Variants in ARTN observed in about 807,000 individuals in gnomAD.
ARTN encodes the protein neublastin.
A neutral mutation model predicts 15.4 loss-of-function variants in ARTN; 9 were observed. The observed-to-expected ratio is 0.58, with a 90% CI of 0.35 to 1.02. The LOEUF (loss-of-function observed/expected upper bound fraction) is 1.02, where lower values mean the gene tolerates loss of function less well. Among genes scored for constraint, ARTN ranks in the 50% least tolerant of loss-of-function variants. ARTN has a pLI of 0.02. For missense variants in ARTN, 284 were observed against 327.9 expected (o/e 0.87, Z 1.03); for synonymous variants, 163 against 155.8 (o/e 1.05, Z -0.35).
At position 43,936,507 on chromosome 1, in the gene ARTN, C is replaced by T. The variant is rs1366540157; in HGVS notation, c.405C>T (p.Leu135=). 20 of 1,408,770 alleles carry T rather than the reference C, an allele frequency of 1.4e-5. No homozygotes were observed. Among genetic ancestry groups the T allele is most frequent in the Non-Finnish European group, 1.8e-5 (19 of 1,084,228 alleles). The allele number at this position is 1,408,770 out of a possible 1,614,324, so 87.3% of individuals were successfully genotyped here. The change falls in exon 5 of 5, where the codon CTC becomes CTT. Residue 135 remains leucine, a synonymous_variant. Coordinates refer to ENST00000372359, the MANE Select transcript of ARTN (RefSeq NM_057091.3). The surrounding 1 kb of genome is among the most constrained non-coding windows in gnomAD (Gnocchi z 6.6). Reference sequence around the variant, plus strand: ...CGCAGCTGGTGCCGGTGCGCGCGCTCGGCCTGGGCCACCGCTCCGACGAGC... The same window carrying T: ...CGCAGCTGGTGCCGGTGCGCGCGCTTGGCCTGGGCCACCGCTCCGACGAGC... ...LRSQLVPVRA[L]GLGHRSDELV...
Position 43,935,693 on chromosome 1 carries a change from C to T in ARTN, c.37C>T (p.His13Tyr), listed in dbSNP as rs2085083815. Reference protein sequence around the residue: ...LGLGGLSTLSHCPWPRQQPAL... With the variant: ...LGLGGLSTLSYCPWPRQQPAL... ...ACTTGGAGGCCTCTCCACGCTGTCC[C>T]ACTGCCCCTGGCCTAGGCAGCAGGT... is the stretch of plus-strand genomic sequence containing the variant. The change falls in exon 3 of 5, where the codon CAC becomes TAC. Residue 13 changes from histidine to tyrosine, a missense_variant. Coordinates refer to ENST00000372359, the MANE Select transcript of ARTN (RefSeq NM_057091.3). The T allele has an allele frequency of 3.1e-6, 5 of 1,613,406 alleles. No individual in the cohort carries two copies. Among genetic ancestry groups the T allele is most frequent in the Non-Finnish European group, 3.4e-6 (4 of 1,179,680 alleles).
chr1:43,935,629 C>T lies in ARTN; in HGVS notation c.-28C>T. On this transcript the variant is annotated 5_prime_UTR_variant, in exon 3 of 5. Coordinates refer to ENST00000372359, the MANE Select transcript of ARTN (RefSeq NM_057091.3). The stretch of plus-strand genomic sequence containing the variant: ...GGGTGGGGGAACAGCTCAACAATGG[C>T]TGATGGGCGCTCCTGGTGTTGATAG... 6.2e-7 allele frequency: 1 copy of T among 1,610,626 alleles called. No individual in the cohort carries two copies. Among genetic ancestry groups the T allele is most frequent in the Non-Finnish European group, 8.5e-7 (1 of 1,178,398 alleles).
intron 2 of ARTN, chr1:43,935,296 G>A (rs891848881): frequency 1.1e-4 from 30 of 272,648 alleles, no homozygotes; most frequent in African/African-American, 6.4e-4. Context: ...AGAGCAGGAA[G>A]GTTCTGGGAA....
chr1:43,936,003 C>A lies in ARTN; in HGVS notation c.61-90C>A. ...GCCCATGCCCGGCCTGATCTCAGCC[C>A]GAGGACAGCCCCTCCTTGAGGTCCT... On this transcript the variant is annotated intron_variant, in intron 3 of 4. Coordinates refer to ENST00000372359, the MANE Select transcript of ARTN (RefSeq NM_057091.3). The surrounding 1 kb of genome is among the most constrained non-coding windows in gnomAD (Gnocchi z 6.6). 6.4e-7 allele frequency: 1 copy of A among 1,567,648 alleles called. No homozygotes were observed. The highest frequency in any genetic ancestry group is 1.1e-5 in the South Asian group (1 of 88,910).
chr1:43,936,227 G>A lies in ARTN; in HGVS notation c.195G>A (p.Leu65=). Residue 65 remains leucine, a synonymous_variant, in exon 4 of 5, where the codon CTG becomes CTA. Transcript: ENST00000372359. This position sits in a 1 kb window ranked among gnomAD's most constrained non-coding sequence, Gnocchi z 6.6. ...PPVLASPAGH[L]PGGRTARWCS... ...TCCTGGCGTCCCCCGCCGGCCACCT[G>A]CCGGGTAGGTGAGAGGGCGAGGGGG... The A allele has an allele frequency of 6.8e-7, 1 of 1,473,282 alleles. No individual in the cohort carries two copies. The highest frequency in any genetic ancestry group is 1.5e-5 in the African/African-American group (1 of 68,920). The allele number at this position is 1,473,282 out of a possible 1,614,324, so 91.3% of individuals were successfully genotyped here.
rs1322155995 is a variant in ARTN at position 43,936,126 on chromosome 1, C to T, written c.94C>T (p.Leu32=). 6.2e-7 allele frequency: 1 copy of T among 1,606,316 alleles called. No individual in the cohort carries two copies. ...GTGGCCCACCCTGGCCGCTCTGGCT[C>T]TGCTGAGCAGCGTCGCAGAGGCCTC... ...ALWPTLAALA[L]LSSVAEASLG... The change falls in exon 4 of 5, where the codon CTG becomes TTG. Residue 32 remains leucine, a synonymous_variant. Coordinates refer to ENST00000372359, the MANE Select transcript of ARTN (RefSeq NM_057091.3). The surrounding 1 kb of genome is among the most constrained non-coding windows in gnomAD (Gnocchi z 6.6).
Position 43,936,626 on chromosome 1 carries a change from G to A in ARTN, c.524G>A (p.Arg175Gln), listed in dbSNP as rs1474003441. ...AGCCTACTGGGCGCCGGGGCCCTGC[G>A]ACCGCCCCCGGGCTCCCGGCCCGTC... Reference protein sequence around the residue: ...LASLLGAGALRPPPGSRPVSQ... With the variant: ...LASLLGAGALQPPPGSRPVSQ... The change falls in exon 5 of 5, where the codon CGA becomes CAA. Residue 175 changes from arginine (R) to glutamine (Q), a missense_variant. Physicochemically the swap from Arg to Gln is conservative, Grantham distance 43. Coordinates refer to ENST00000372359, the MANE Select transcript of ARTN (RefSeq NM_057091.3). The surrounding 1 kb of genome is among the most constrained non-coding windows in gnomAD (Gnocchi z 6.6). 4.4e-6 allele frequency: 7 copies of A among 1,593,446 alleles called. No individual in the cohort carries two copies. Among genetic ancestry groups the A allele is most frequent in the South Asian group, 1.1e-5 (1 of 88,386 alleles).
At position 43,936,578 on chromosome 1, in the gene ARTN, C is replaced by T; in HGVS notation, c.476C>T (p.Ser159Phe). 1 of 1,572,702 alleles carries T rather than the reference C, an allele frequency of 6.4e-7. No individual in the cohort carries two copies. Among genetic ancestry groups the T allele is most frequent in the East Asian group, 2.4e-5 (1 of 41,064 alleles). Reference sequence around the variant, plus strand: ...AGCGGCTCCTGCCGCCGCGCGCGCTCTCCACACGACCTCAGCCTGGCCAGC... The same window carrying T: ...AGCGGCTCCTGCCGCCGCGCGCGCTTTCCACACGACCTCAGCCTGGCCAGC... ...FCSGSCRRAR[S>F]PHDLSLASLL... Residue 159 changes from serine to phenylalanine, a missense_variant, in exon 5 of 5, where the codon TCT becomes TTT. Transcript: ENST00000372359. This position sits in a 1 kb window ranked among gnomAD's most constrained non-coding sequence, Gnocchi z 6.6.
Position 43,936,450 on chromosome 1 carries a change from G to C in ARTN, c.348G>C (p.Arg116=). Residue 116 remains arginine (R), a synonymous_variant, in exon 5 of 5, where the codon CGG becomes CGC. Transcript: ENST00000372359. The surrounding 1 kb of genome is among the most constrained non-coding windows in gnomAD (Gnocchi z 6.6). ...ARAGGPGSRA[R]AAGARGCRLR... ...CTGGGGGCCCGGGCAGCCGCGCTCG[G>C]GCAGCGGGGGCGCGGGGCTGCCGCC... The C allele has an allele frequency of 8.7e-7, 1 of 1,155,790 alleles. No individual in the cohort carries two copies. The allele number at this position is 1,155,790 out of a possible 1,614,324, so 71.6% of individuals were successfully genotyped here.
In ARTN at chr1:43,936,264, T is replaced by G; in HGVS notation, c.199+33T>G. 7.1e-7 allele frequency: 1 copy of G among 1,402,644 alleles called. No individual in the cohort carries two copies. Among genetic ancestry groups the G allele is most frequent in the Non-Finnish European group, 9.2e-7 (1 of 1,089,036 alleles). 86.9% of individuals were successfully genotyped at this position (1,402,644 alleles called of 1,614,324 possible). A position where few individuals can be genotyped will look rare whatever the true frequency, so the allele number is the denominator to read the frequency against. On this transcript the variant is annotated intron_variant, in intron 4 of 4. Transcript: ENST00000372359. This position sits in a 1 kb window ranked among gnomAD's most constrained non-coding sequence, Gnocchi z 6.6. ...AGAGGGCGAGGGGGCGGGGCGGGGC[T>G]GGCCCGGGACACCGCGCGTGACTGG...
chr1:43,934,624 G>A (rs966966837), intron 2 of ARTN: 1 of 152,690 alleles, frequency 6.5e-6, no homozygotes, highest in African/African-American at 2.4e-5. Context: ...ACTTACGAAG[G>A]CTCTAGGGCC....
Position 43,936,413 on chromosome 1 carries a change from G to A in ARTN, c.311G>A (p.Arg104His). Residue 104 changes from arginine (R) to histidine (H), a missense_variant, in exon 5 of 5, where the codon CGC becomes CAC. Arg to His is a conservative substitution (Grantham distance 29, BLOSUM62 0). Coordinates refer to ENST00000372359, the MANE Select transcript of ARTN (RefSeq NM_057091.3). This position sits in a 1 kb window ranked among gnomAD's most constrained non-coding sequence, Gnocchi z 6.6. ...APPSALPRGG[R>H]AARAGGPGSR... ...CCATCTGCTCTTCCCCGCGGGGGCC[G>A]CGCGGCGCGGGCTGGGGGCCCGGGC... The A allele has an allele frequency of 2.6e-6, 3 of 1,164,410 alleles. No individual in the cohort carries two copies. The highest frequency in any genetic ancestry group is 3.2e-6 in the Non-Finnish European group (3 of 945,498). The allele number at this position is 1,164,410 out of a possible 1,614,324, so 72.1% of individuals were successfully genotyped here. A position where few individuals can be genotyped will look rare whatever the true frequency, so the allele number is the denominator to read the frequency against.
At position 43,936,914 on chromosome 1, in the gene ARTN, T is replaced by A; in HGVS notation, c.*149T>A. ...CCCTGCCGGTGGGTGATGGATATCA[T>A]CCCCGAACAGGTGAAGGGACAACTG... On this transcript the variant is annotated 3_prime_UTR_variant, in exon 5 of 5. Transcript: ENST00000372359. This position sits in a 1 kb window ranked among gnomAD's most constrained non-coding sequence, Gnocchi z 6.6. 1 of 1,110,964 alleles carries A rather than the reference T, an allele frequency of 9.0e-7. No individual in the cohort carries two copies. The highest frequency in any genetic ancestry group is 3.0e-5 in the South Asian group (1 of 33,678). 68.8% of individuals were successfully genotyped at this position (1,110,964 alleles called of 1,614,324 possible).
rs917987106 is a variant in ARTN, at chr1:43,936,323, G to C, written c.221G>C (p.Cys74Ser). The C allele has an allele frequency of 3.0e-6, 4 of 1,351,932 alleles. No individual in the cohort carries two copies. The African/African-American group carries it at 6.2e-5, about 21-fold the overall frequency. 83.7% of individuals were successfully genotyped at this position (1,351,932 alleles called of 1,614,324 possible). Reference protein sequence around the residue: ...HLPGGRTARWCSGRARRPPPQ... With the variant: ...HLPGGRTARWSSGRARRPPPQ... ...CCAGGGGGACGCACGGCCCGCTGGT[G>C]CAGTGGAAGAGCCCGGCGGCCGCCG... Residue 74 changes from cysteine (C) to serine (S), a missense_variant, in exon 5 of 5, where the codon TGC (cysteine) becomes TCC (serine). Transcript: ENST00000372359. The surrounding 1 kb of genome is among the most constrained non-coding windows in gnomAD (Gnocchi z 6.6).
At position 43,936,738 on chromosome 1, in the gene ARTN, C is replaced by T; in HGVS notation, c.636C>T (p.Ser212=). Residue 212 remains serine (S), a synonymous_variant, in exon 5 of 5, where the codon TCC becomes TCT. Coordinates refer to ENST00000372359, the MANE Select transcript of ARTN (RefSeq NM_057091.3). The surrounding 1 kb of genome is among the most constrained non-coding windows in gnomAD (Gnocchi z 6.6). ...NSTWRTVDRL[S]ATACGCLG Reference sequence around the variant, plus strand: ...CCTGGAGAACCGTGGACCGCCTCTCCGCCACCGCCTGCGGCTGCCTGGGCT... The same window carrying T: ...CCTGGAGAACCGTGGACCGCCTCTCTGCCACCGCCTGCGGCTGCCTGGGCT... 6.6e-7 allele frequency: 1 copy of T among 1,526,494 alleles called. No homozygotes were observed. The highest frequency in any genetic ancestry group is 1.2e-5 in the South Asian group (1 of 82,500). 94.6% of individuals were successfully genotyped at this position (1,526,494 alleles called of 1,614,324 possible).
At position 43,936,116 on chromosome 1, in the gene ARTN, C is replaced by T. The variant is rs776200370; in HGVS notation, c.84C>T (p.Ala28=). The change falls in exon 4 of 5, where the codon GCC becomes GCT. Residue 28 remains alanine, a synonymous_variant. Coordinates refer to ENST00000372359, the MANE Select transcript of ARTN (RefSeq NM_057091.3). The surrounding 1 kb of genome is among the most constrained non-coding windows in gnomAD (Gnocchi z 6.6). The part of the protein sequence containing the change: ...RQQPALWPTL[A]ALALLSSVAE... ...AGCCTGCCCTGTGGCCCACCCTGGC[C>T]GCTCTGGCTCTGCTGAGCAGCGTCG... 4.4e-5 allele frequency: 71 copies of T among 1,608,580 alleles called. No individual in the cohort carries two copies. The South Asian group carries it at 5.4e-4, about 12-fold the overall frequency.
rs1344243299 is a variant in ARTN, at chr1:43,934,265, GT to G, written c.-68+6del. The G allele has an allele frequency of 1.3e-5, 2 of 153,988 alleles. No homozygotes were observed. Among genetic ancestry groups the G allele is most frequent in the East Asian group, 3.8e-4 (2 of 5,218 alleles). 9.5% of individuals were successfully genotyped at this position (153,988 alleles called of 1,614,324 possible). A position where few individuals can be genotyped will look rare whatever the true frequency, so the allele number is the denominator to read the frequency against. ...AACAAGGTGCAGGACCCCGTGGTGA[GT>G]AGCGGGCTGGTGGATGGGGAGGCAA... On this transcript the variant is annotated splice_donor_region_variant and intron_variant, in intron 2 of 4. Coordinates refer to ENST00000372359, the MANE Select transcript of ARTN (RefSeq NM_057091.3).
rs1474160273 is a variant in ARTN, at chr1:43,936,718, A to G, written c.616A>G (p.Arg206Gly). ...CTTCATGGACGTCAACAGCACCTGG[A>G]GAACCGTGGACCGCCTCTCCGCCAC... The part of the protein sequence containing the change: ...VSFMDVNSTW[R>G]TVDRLSATAC... Residue 206 changes from arginine to glycine, a missense_variant, in exon 5 of 5, where the codon AGA (arginine) becomes GGA (glycine). Coordinates refer to ENST00000372359, the MANE Select transcript of ARTN (RefSeq NM_057091.3). This position sits in a 1 kb window ranked among gnomAD's most constrained non-coding sequence, Gnocchi z 6.6. 9 of 1,576,010 alleles carry G rather than the reference A, an allele frequency of 5.7e-6. No individual in the cohort carries two copies. Among genetic ancestry groups the G allele is most frequent in the East Asian group, 2.3e-5 (1 of 42,946 alleles).
In ARTN at chr1:43,936,176, T is replaced by G; in HGVS notation, c.144T>G (p.Pro48=). 1.3e-6 allele frequency: 2 copies of G among 1,542,714 alleles called. No individual in the cohort carries two copies. Among genetic ancestry groups the G allele is most frequent in the Non-Finnish European group, 1.7e-6 (2 of 1,149,936 alleles). Residue 48 remains proline, a synonymous_variant, in exon 4 of 5, where the codon CCT becomes CCG. Coordinates refer to ENST00000372359, the MANE Select transcript of ARTN (RefSeq NM_057091.3). The surrounding 1 kb of genome is among the most constrained non-coding windows in gnomAD (Gnocchi z 6.6). The part of the protein sequence containing the change: ...EASLGSAPRS[P]APREGPPPVL... ...CCCTGGGCTCCGCGCCCCGCAGCCC[T>G]GCCCCCCGCGAAGGCCCCCCGCCTG...
Sources: gnomAD v4.1 joint callset for allele counts on GRCh38, gnomAD v4.1.1 for gene constraint, Gnocchi (gnomAD v3.1) non-coding constraint, MANE v1.5 for transcripts, NCBI Gene and HGNC (gene_info 2026-07-23, HGNC 2026-07-21) for gene names.